MYOF: variants seen among roughly 807,000 people sequenced by gnomAD.
MYOF encodes the protein fer-1-like 3, myoferlin.
A neutral mutation model predicts 284.2 loss-of-function variants in MYOF; 244 were observed. The observed-to-expected ratio is 0.86, with a 90% CI of 0.77 to 0.95. MYOF has a LOEUF of 0.95. Ranked by LOEUF, MYOF falls within the 40% of genes least tolerant of loss-of-function variation. The pLI, the probability that MYOF is intolerant of heterozygous loss-of-function variation, is 0.00. For synonymous variants in MYOF, 904 were observed against 919.7 expected (o/e 0.98, Z 0.31); for missense variants, 2,496 against 2,560.6 (o/e 0.97, Z 0.54).
intron 1 of MYOF, among the ~76,000 whole-genome samples, chr10:93,480,729 G>A (rs2057369271): frequency 6.6e-6 from 1 of 152,020 alleles, no homozygotes; most frequent in Non-Finnish European, 1.5e-5. Flanking sequence ...ACCCACCTCA[G>A]CCTCCCAAAG....
chr10:93,409,013 G>T (rs1847769811), intron 6 of MYOF, 98 bp from the exon 7 acceptor site: 2 of 1,548,626 alleles, frequency 1.3e-6, no homozygotes, highest in Non-Finnish European at 1.7e-6. Flanking sequence ...TATTAGGATT[G>T]CTAACACCAG....
intron 48 of MYOF, among the ~76,000 whole-genome samples, chr10:93,321,415 T>A (rs1842835627): frequency 7.5e-6 from 1 of 133,268 alleles, no homozygotes; most frequent in African/African-American, 3.6e-5. Flanking sequence ...TATTAACCTT[T>A]TTTTTTTTTT....
chr10:93,349,478 C>T (rs191379948), intron 36 of MYOF, among the ~76,000 whole-genome samples: 2 of 152,310 alleles, frequency 1.3e-5, no homozygotes, highest in East Asian at 1.9e-4. Context: ...TATATCTGGT[C>T]CATGCATGAC....
Position 93,319,918 on chromosome 10 carries a change from G to A in MYOF, c.5552C>T (p.Pro1851Leu), listed in dbSNP as rs141412560. The change falls in exon 49 of 54, where the codon CCG becomes CTG. Residue 1851 changes from proline (P) to leucine (L), a missense_variant. Physicochemically the swap from Pro to Leu is moderately conservative, Grantham distance 98 (BLOSUM62 -3). Coordinates refer to ENST00000359263, the MANE Select transcript of MYOF (RefSeq NM_013451.4). ...EGNFNWRFVF[P>L]FDYLPAEQLC... ...TTGTTCGGCTGGAAGGTAGTCAAAC[G>A]GGAAAACAAATCGCCAGTTAAAATT... The A allele has an allele frequency of 1.8e-4, 290 of 1,614,136 alleles. No individual in the cohort carries two copies. In the East Asian group the frequency reaches 3.3e-3, roughly 18 times the overall value.
intron 1 of MYOF, among the ~76,000 whole-genome samples, chr10:93,467,674 C>T (rs1311342347): frequency 3.3e-5 from 5 of 152,144 alleles, no homozygotes; most frequent in South Asian, 2.1e-4. Flanking sequence ...CACATGCACA[C>T]GTATGTTTAT....
At chr10:93,330,329 CAG>C (rs779330779) in intron 43 of MYOF, among the ~76,000 whole-genome samples, 1 of 152,174 alleles carries the variant, frequency 6.6e-6, no homozygotes, top group Non-Finnish European at 1.5e-5. Flanking sequence ...CCACCCAGCT[CAG>C]AGATGAGTAA....
intron 32 of MYOF, 59 bp from the exon 33 acceptor site, chr10:93,351,905 C>A (rs1027891579): frequency 2.1e-6 from 3 of 1,426,776 alleles, no homozygotes; most frequent in African/African-American, 1.4e-5. Flanking sequence ...TCCCCAGAAC[C>A]ACTCAGTGCA....
At chr10:93,414,317 A>G (rs1024157115) in intron 5 of MYOF, among the ~76,000 whole-genome samples, 1 of 151,962 alleles carries the variant, frequency 6.6e-6, no homozygotes, top group African/African-American at 2.4e-5. Flanking sequence ...CGGGTGGATC[A>G]CCTGAGGCCA....
chr10:93,407,423 CAAAAAAAAAAAAA>C (rs144461915), intron 7 of MYOF, among the ~76,000 whole-genome samples: 2 of 38,088 alleles, frequency 5.3e-5, no homozygotes, highest in African/African-American at 2.0e-4. Context: ...GACTCTGTCT[CAAAAAAAAAAAAA>C]AAAAAAAAAA....
chr10:93,417,193 C>T (rs1240308254), intron 5 of MYOF, among the ~76,000 whole-genome samples: 1 of 152,162 alleles, frequency 6.6e-6, no homozygotes, highest in Non-Finnish European at 1.5e-5. Flanking sequence ...TGGTCAAATC[C>T]TACAAAGCTT....
At chr10:93,451,865 G>C (rs888948044) in intron 3 of MYOF, among the ~76,000 whole-genome samples, 185 bp downstream of exon 3, 1 of 152,178 alleles carries the variant, frequency 6.6e-6, no homozygotes, top group Non-Finnish European at 1.5e-5. Context: ...AGCAGTCATT[G>C]GGAAAAAGTG....
chr10:93,319,000 G>A (rs559469709), intron 49 of MYOF, among the ~76,000 whole-genome samples: 24 of 152,200 alleles, frequency 1.6e-4, no homozygotes, highest in Admixed American at 7.2e-4. Flanking sequence ...TTTCCTTAGC[G>A]GACTCCCCTT....
At position 93,319,767 on chromosome 10, in the gene MYOF, G is replaced by A. The variant is rs546586864; in HGVS notation, c.5598+105C>T. ...CCCCATCTCTGCTGAGAAGGAGCCG[G>A]ACTCAGTGACCTCCGAGATCCTGAG... On this transcript the variant is annotated intron_variant, in intron 49 of 53. Coordinates refer to ENST00000359263, the MANE Select transcript of MYOF (RefSeq NM_013451.4). 10 of 1,481,356 alleles carry A rather than the reference G, an allele frequency of 6.8e-6. No homozygotes were observed. The African/African-American group carries it at 1.1e-4, about 16-fold the overall frequency. 91.8% of individuals were successfully genotyped at this position (1,481,356 alleles called of 1,614,324 possible). A position where few individuals can be genotyped will look rare whatever the true frequency, so the allele number is the denominator to read the frequency against.
At chr10:93,396,647 T>C (rs978926743) in intron 15 of MYOF, among the ~76,000 whole-genome samples, 1 of 152,210 alleles carries the variant, frequency 6.6e-6, no homozygotes, top group Non-Finnish European at 1.5e-5. Context: ...TAATCAATTA[T>C]AGGCACATTA....
At chr10:93,440,650 T>C (rs1210864125) in intron 3 of MYOF, among the ~76,000 whole-genome samples, 1 of 152,180 alleles carries the variant, frequency 6.6e-6, no homozygotes, top group Non-Finnish European at 1.5e-5. Context: ...TAGGCATTAG[T>C]AAATATTTGT....
At chr10:93,458,511 A>G (rs969625709) in intron 1 of MYOF, among the ~76,000 whole-genome samples, 1 of 152,126 alleles carries the variant, frequency 6.6e-6, no homozygotes, top group Non-Finnish European at 1.5e-5. Flanking sequence ...CAAGGCGGGC[A>G]GATCACTTGA....
At position 93,363,983 on chromosome 10, in the gene MYOF, G is replaced by A; in HGVS notation, c.2846C>T (p.Ala949Val). Reference sequence around the variant, plus strand: ...CACCGCATCCGTGTAGGTGTCCTCGGCCGGCTTCCAGTCGCCCCCGGGGTA... The same window carrying A: ...CACCGCATCCGTGTAGGTGTCCTCGACCGGCTTCCAGTCGCCCCCGGGGTA... ...SRYPGGDWKP[A>V]EDTYTDANGD... The change falls in exon 27 of 54, where the codon GCC becomes GTC. Residue 949 changes from alanine (A) to valine (V), a missense_variant. Transcript: ENST00000359263. 6.2e-7 allele frequency: 1 copy of A among 1,614,158 alleles called. No individual in the cohort carries two copies. The highest frequency in any genetic ancestry group is 8.5e-7 in the Non-Finnish European group (1 of 1,180,020).
At chr10:93,373,219 A>T in intron 23 of MYOF, 134 bp from the exon 24 acceptor site, 1 of 1,032,442 alleles carries the variant, frequency 9.7e-7, no homozygotes, top group East Asian at 2.4e-5. Flanking sequence ...CTCTGTCTCA[A>T]ATTCCTGAGC....
Position 93,373,104 on chromosome 10 carries a change from T to G in MYOF, c.2302-19A>C, listed in dbSNP as rs764273395. ...TCTGTGGCTGGTCATGAGGATTGGATGGAAGAGGAAGCACAGCCATGGTTA... is the reference window on the plus strand; with the variant it reads ...TCTGTGGCTGGTCATGAGGATTGGAGGGAAGAGGAAGCACAGCCATGGTTA... On this transcript the variant is annotated intron_variant, in intron 23 of 53. Transcript: ENST00000359263. The G allele has an allele frequency of 9.9e-6, 16 of 1,614,012 alleles. No individual in the cohort carries two copies. In the Admixed American group the frequency reaches 2.7e-4, roughly 27 times the overall value.
Sources: gnomAD v4.1 joint callset for allele counts (sites outside exome capture counted in the v4.1 genomes callset) on GRCh38, gnomAD v4.1.1 for gene constraint, MANE v1.5 for transcripts, NCBI Gene and HGNC (gene_info 2026-07-23, HGNC 2026-07-21) for gene names.